NLGN1: variants seen among roughly 807,000 people sequenced by gnomAD.
NLGN1 encodes the protein neuroligin 1.
NLGN1 carries 12 observed loss-of-function variants against 65.5 expected under a neutral mutation model. The ratio of observed to expected loss-of-function variants is 0.18; its 90% CI spans 0.12 to 0.30. The LOEUF (loss-of-function observed/expected upper bound fraction) is 0.30, where lower values mean the gene tolerates loss of function less well. NLGN1 is among the 10% of genes least tolerant of loss of function. The pLI is 1.00. For missense variants in NLGN1, 750 were observed against 1,007.1 expected (o/e 0.74, Z 3.46); for synonymous variants, 350 against 359.5 (o/e 0.97, Z 0.30).
At chr3:173,639,084 T>C (rs559354002) in intron 3 of NLGN1, among the ~76,000 whole-genome samples, 1 of 152,358 alleles carries the variant, frequency 6.6e-6, no homozygotes, top group South Asian at 2.1e-4. Context: ...GCATGAATCT[T>C]TGATATAAAA....
chr3:174,106,989 C>CACAG (rs1008412737), intron 4 of NLGN1, among the ~76,000 whole-genome samples: 1 of 98,838 alleles, frequency 1.0e-5, no homozygotes, highest in African/African-American at 5.0e-5. Context: ...ATCACACACA[C>CACAG]ACACACACAC....
intron 2 of NLGN1, among the ~76,000 whole-genome samples, chr3:173,453,262 C>CGT (rs947184949): frequency 1.4e-4 from 21 of 150,964 alleles, no homozygotes; most frequent in African/African-American, 4.8e-4. Context: ...TAATGTTGTA[C>CGT]GTGTGTGTGT....
At chr3:173,876,010 C>G (rs1233739998) in intron 4 of NLGN1, among the ~76,000 whole-genome samples, 2 of 151,754 alleles carry the variant, frequency 1.3e-5, no homozygotes, top group Non-Finnish European at 2.9e-5. Context: ...AAAAAAAATC[C>G]CTGAGAAAAT....
intron 4 of NLGN1, among the ~76,000 whole-genome samples, chr3:173,978,784 T>C (rs1439821226): frequency 1.4e-5 from 2 of 144,704 alleles, no homozygotes; most frequent in African/African-American, 5.2e-5. Context: ...TCACTTGAGG[T>C]CAGAAGTTCG....
intron 4 of NLGN1, among the ~76,000 whole-genome samples, chr3:173,944,025 A>G (rs965534375): frequency 3.9e-5 from 6 of 152,198 alleles, no homozygotes; most frequent in African/African-American, 1.4e-4. Context: ...CAAATGTGCC[A>G]GCCAATATTA....
At chr3:173,489,896 T>A (rs566974554) in intron 2 of NLGN1, among the ~76,000 whole-genome samples, 2 of 152,318 alleles carry the variant, frequency 1.3e-5, no homozygotes, top group African/African-American at 4.8e-5. Context: ...TTGAGAAGTG[T>A]CTGTTCATAT....
At chr3:173,604,465 C>A in exon 3 of NLGN1, 2 of 932,934 alleles carry the variant, frequency 2.1e-6, no homozygotes, top group African/African-American at 1.7e-5. Context: ...GTCTGAAGAT[C>A]TTTCAGAGCT....
intron 2 of NLGN1, among the ~76,000 whole-genome samples, chr3:173,453,059 G>A (rs1721894842): frequency 6.6e-6 from 1 of 151,844 alleles, no homozygotes; most frequent in Non-Finnish European, 1.5e-5. Flanking sequence ...CGGGGTGGTA[G>A]TTGCTGAAGA....
chr3:173,754,388 A>G (rs1344128713), intron 3 of NLGN1, among the ~76,000 whole-genome samples: 1 of 152,046 alleles, frequency 6.6e-6, no homozygotes, highest in Non-Finnish European at 1.5e-5. Context: ...GCCTTCTCTA[A>G]CTGTACTACA....
intron 2 of NLGN1, among the ~76,000 whole-genome samples, chr3:173,479,770 A>G (rs753326989): frequency 5.3e-5 from 8 of 152,216 alleles, no homozygotes; most frequent in Non-Finnish European, 1.0e-4. Context: ...AAAAAGAGCT[A>G]TGAACTTATA....
In NLGN1 at chr3:173,657,947, A is replaced by G. The variant is rs145813931; in HGVS notation, c.493+52856A>G. ...TGCCTGATTGTACTGGTAGAGTAAT[A>G]AACTTAAGTTTGTAAGTGCATGGTG... On this transcript the variant is annotated intron_variant, in intron 3 of 6. Transcript: ENST00000457714. 4.2e-3 allele frequency among the ~76,000 whole-genome samples: 641 copies of G among 152,106 alleles called. 16 individuals carry two copies. Among genetic ancestry groups the G allele is most frequent in the East Asian group, 0.031 (158 of 5,180 alleles).
At chr3:173,831,868 C>T (rs1004614844) in intron 4 of NLGN1, among the ~76,000 whole-genome samples, 13 of 152,050 alleles carry the variant, frequency 8.5e-5, no homozygotes, top group South Asian at 4.1e-4. Flanking sequence ...TCTTTCTCTT[C>T]GTTGTTTTCT....
intron 3 of NLGN1, among the ~76,000 whole-genome samples, chr3:173,771,162 A>T (rs1220298642): frequency 6.6e-6 from 1 of 152,092 alleles, no homozygotes; most frequent in South Asian, 2.1e-4. Context: ...TTACTTCTAA[A>T]TCATTTATTT....
rs372596207 is a variant in NLGN1, at chr3:174,176,571, AGTTTTGTTTT to A, written c.647-98723_647-98714del. ...CCATTTTAGCTTAGCGCTTCAGTTC[AGTTTTGTTTT>A]GTTTTGTTTTGTTTTGTTTTTCTAG... On this transcript the variant is annotated intron_variant, in intron 4 of 6. Coordinates refer to ENST00000457714, the Ensembl canonical transcript of NLGN1. Among the ~76,000 whole-genome samples the A allele has an allele frequency of 4.3e-3, 654 of 151,906 alleles. 6 individuals are homozygous for A. Among genetic ancestry groups the A allele is most frequent in the African/African-American group, 0.012 (517 of 41,422 alleles).
At chr3:174,186,188 TTG>T (rs1324733159) in intron 4 of NLGN1, among the ~76,000 whole-genome samples, 2 of 152,134 alleles carry the variant, frequency 1.3e-5, no homozygotes, top group Non-Finnish European at 2.9e-5. Context: ...CATTTATGCC[TTG>T]TGTTTGAGAA....
intron 2 of NLGN1, among the ~76,000 whole-genome samples, chr3:173,467,605 A>G (rs1724584223): frequency 3.3e-5 from 5 of 152,146 alleles, no homozygotes; most frequent in Admixed American, 3.3e-4. Context: ...ATTGTTTTCA[A>G]ACAATGTGCT....
At chr3:174,288,813 C>T (rs1258969283), downstream of NLGN1, among the ~76,000 whole-genome samples, 1 of 151,472 alleles carries the variant, frequency 6.6e-6, no homozygotes, top group Non-Finnish European at 1.5e-5. Context: ...ACTTGCAATA[C>T]TATTACATTC....
At chr3:174,249,886 C>A (rs1744469429) in intron 4 of NLGN1, among the ~76,000 whole-genome samples, 1 of 152,080 alleles carries the variant, frequency 6.6e-6, no homozygotes, top group African/African-American at 2.4e-5. Flanking sequence ...ATGGGTCATG[C>A]ATTTGTTCCA....
At position 174,280,406 on chromosome 3, in the gene NLGN1, T is replaced by G. The variant is rs1751340315; in HGVS notation, c.1650-75T>G. On this transcript the variant is annotated intron_variant, in intron 6 of 6. Coordinates refer to ENST00000457714, the Ensembl canonical transcript of NLGN1. This position sits in a 1 kb window ranked among gnomAD's most constrained non-coding sequence, Gnocchi z 4.9. The stretch of plus-strand genomic sequence containing the variant: ...ATTGCTGAGTCATCTATTTAATTAT[T>G]AGATGTTAAAGTAGTGTGATTTTAA... The G allele has an allele frequency of 3.1e-6, 3 of 970,624 alleles. No homozygotes were observed. Among genetic ancestry groups the G allele is most frequent in the Non-Finnish European group, 4.6e-6 (3 of 653,352 alleles). The allele number at this position is 970,624 out of a possible 1,614,324, so 60.1% of individuals were successfully genotyped here. A position where few individuals can be genotyped will look rare whatever the true frequency, so the allele number is the denominator to read the frequency against.
Sources: allele counts gnomAD v4.1 joint callset (sites outside exome capture counted in the v4.1 genomes callset), GRCh38; gene constraint gnomAD v4.1.1; non-coding constraint Gnocchi (gnomAD v3.1); transcripts MANE v1.5; gene names NCBI Gene and HGNC (gene_info 2026-07-23, HGNC 2026-07-21).